The following C10orf53 variants were observed in gnomAD, a reference collection of about 807,000 sequenced individuals.
The protein encoded by C10orf53 is chromosome 10 open reading frame 53, also known as UPF0728 protein C10orf53.
C10orf53 carries 8 observed loss-of-function variants against 9.4 expected under a neutral mutation model. That is an observed-to-expected ratio of 0.85 (90% CI 0.50 to 1.53). The LOEUF (loss-of-function observed/expected upper bound fraction) is 1.53. C10orf53 is among the 40% of genes most tolerant of loss of function. C10orf53 has a pLI of 0.00. For missense variants in C10orf53, 117 were observed against 117.8 expected (o/e 0.99, Z 0.03); for synonymous variants, 48 against 46.0 (o/e 1.04, Z -0.18).
chr10:49,708,461 A>G (rs1162499241), exon 3 of C10orf53: 3 of 1,614,008 alleles, frequency 1.9e-6, no homozygotes, highest in African/African-American at 2.7e-5. Flanking sequence ...CTCCTTTGCA[A>G]CAGTTCCCAC....
chr10:49,683,666 G>T (rs1840500424), intron 1 of C10orf53, among the ~76,000 whole-genome samples: 1 of 152,156 alleles, frequency 6.6e-6, no homozygotes, highest in African/African-American at 2.4e-5. Flanking sequence ...CTTGAACCCA[G>T]GAGTTCAAGA....
rs189886782 is a variant in C10orf53 at position 49,686,598 on chromosome 10, C to A, written c.97+6804C>A. The stretch of plus-strand genomic sequence containing the variant: ...GAGAACCTGGGAAAGGAATGCATTC[C>A]AGGGGGTAGGTCTATAGATGGCTGC... On this transcript the variant is annotated intron_variant, in intron 1 of 2. Coordinates refer to ENST00000374111, the MANE Select transcript of C10orf53 (RefSeq NM_001042427.3). Among the ~76,000 whole-genome samples the A allele has an allele frequency of 2.1e-3, 318 of 152,088 alleles. 3 individuals are homozygous for A. Among genetic ancestry groups the A allele is most frequent in the African/African-American group, 6.5e-3 (271 of 41,460 alleles).
Position 49,697,373 on chromosome 10 carries a change from T to G in C10orf53, c.*2771T>G, listed in dbSNP as rs1665482034. ...CCCAGAAGCAAGAGACACAGCTTGC[T>G]CCCCATCAAAGGCAAAAGTGCCCTG... On this transcript the variant is annotated 3_prime_UTR_variant, in exon 3 of 3. Coordinates refer to ENST00000374111, the MANE Select transcript of C10orf53 (RefSeq NM_001042427.3). 2.0e-5 allele frequency among the ~76,000 whole-genome samples: 3 copies of G among 152,136 alleles called. No individual in the cohort carries two copies. In the South Asian group the frequency reaches 6.2e-4, roughly 32 times the overall value.
At chr10:49,694,205 T>A in intron 2 of C10orf53, 1 of 581,828 alleles carries the variant, frequency 1.7e-6, no homozygotes, top group Non-Finnish European at 3.0e-6. Context: ...ATAATATGTA[T>A]TCTGTTATTA....
chr10:49,679,901 C>A, intron 1 of C10orf53, 107 bp downstream of exon 1: 1 of 1,019,550 alleles, frequency 9.8e-7, no homozygotes, highest in Non-Finnish European at 1.3e-6. Flanking sequence ...AGCGCCACCT[C>A]TCCAGGAAGT....
chr10:49,682,543 GA>G (rs2132873960), intron 1 of C10orf53, among the ~76,000 whole-genome samples: 2 of 1,226 alleles, frequency 1.6e-3, no homozygotes, highest in Admixed American at 0.042. Flanking sequence ...AGGGGGACAG[GA>G]GCCAGTTGCT....
chr10:49,699,402 C>T (rs942628404), downstream of C10orf53, among the ~76,000 whole-genome samples: 1 of 151,322 alleles, frequency 6.6e-6, no homozygotes, highest in Non-Finnish European at 1.5e-5. Flanking sequence ...CCTATGTTAC[C>T]CAGGCTGGTC....
At chr10:49,698,665 G>C (rs147887097), downstream of C10orf53, among the ~76,000 whole-genome samples, 3 of 152,342 alleles carry the variant, frequency 2.0e-5, no homozygotes, top group Non-Finnish European at 4.4e-5. Context: ...CATAAGGCGT[G>C]TGGAACTATT....
At chr10:49,693,228 G>A (rs1840601446) in intron 1 of C10orf53, among the ~76,000 whole-genome samples, 2 of 152,066 alleles carry the variant, frequency 1.3e-5, no homozygotes, top group African/African-American at 2.4e-5. Flanking sequence ...AGTTATTCAC[G>A]GTATTTTGCT....
intron 1 of C10orf53, among the ~76,000 whole-genome samples, chr10:49,686,645 C>T (rs987838116): frequency 1.3e-5 from 2 of 152,116 alleles, no homozygotes; most frequent in Non-Finnish European, 1.5e-5. Flanking sequence ...CTGTCTTATG[C>T]GGTTGAGATA....
intron 2 of C10orf53, among the ~76,000 whole-genome samples, chr10:49,703,444 T>C (rs910249950): frequency 2.6e-5 from 4 of 152,146 alleles, no homozygotes; most frequent in Non-Finnish European, 5.9e-5. Context: ...CAAACCTAGC[T>C]ATGAAAAGGA....
chr10:49,694,803 C>G lies in C10orf53; in HGVS notation c.*201C>G. 5 of 1,393,236 alleles carry G rather than the reference C, an allele frequency of 3.6e-6. No individual in the cohort carries two copies. Among genetic ancestry groups the G allele is most frequent in the Non-Finnish European group, 4.6e-6 (5 of 1,076,612 alleles). 86.3% of individuals were successfully genotyped at this position (1,393,236 alleles called of 1,614,324 possible). On this transcript the variant is annotated 3_prime_UTR_variant, in exon 3 of 3. Coordinates refer to ENST00000374111, the MANE Select transcript of C10orf53 (RefSeq NM_001042427.3). ...AGGAGCCCACAGAAATAATAAAAAC[C>G]ACATCATTTATAACATGTCTCAATC...
downstream of C10orf53, among the ~76,000 whole-genome samples, chr10:49,699,188 A>ATTTTTTTTTT (rs1210027084): frequency 1.5e-4 from 7 of 47,784 alleles, no homozygotes; most frequent in South Asian, 9.9e-4. Context: ...TGGTGGCTCA[A>ATTTTTTTTTT]TCTTTTTTTT....
rs1016282128 is a variant in C10orf53, at chr10:49,696,580, T to A, written c.*1978T>A. On this transcript the variant is annotated 3_prime_UTR_variant, in exon 3 of 3. Coordinates refer to ENST00000374111, the MANE Select transcript of C10orf53 (RefSeq NM_001042427.3). ...AGAAGACCTGCCCTCCTTGGCTTCA[T>A]GACCAGAGCTGAAGGGCAGGTAAGG... Among the ~76,000 whole-genome samples the A allele has an allele frequency of 1.3e-5, 2 of 152,196 alleles. No homozygotes were observed. Among genetic ancestry groups the A allele is most frequent in the Non-Finnish European group, 2.9e-5 (2 of 68,038 alleles).
chr10:49,701,483 A>G (rs1040752350), downstream of C10orf53, among the ~76,000 whole-genome samples: 20 of 152,122 alleles, frequency 1.3e-4, 1 homozygote, highest in Admixed American at 9.8e-4. Flanking sequence ...TCCCCAAGTC[A>G]TTGTCATTTT....
chr10:49,703,504 T>A (rs1215990473), intron 2 of C10orf53, among the ~76,000 whole-genome samples: 1 of 152,214 alleles, frequency 6.6e-6, no homozygotes, highest in African/African-American at 2.4e-5. Flanking sequence ...CTAAAATATC[T>A]TATTAGTAAA....
downstream of C10orf53, among the ~76,000 whole-genome samples, chr10:49,699,339 G>A (rs1449083605): frequency 1.3e-5 from 2 of 151,130 alleles, no homozygotes; most frequent in African/African-American, 4.9e-5. Context: ...GACTACAGGT[G>A]CATGCCACCA....
Position 49,694,877 on chromosome 10 carries a change from G to A in C10orf53, c.*275G>A. ...AATATCAGGTACACATTGAGCTGAA[G>A]GAAACAATAAAATGCAATCAAATAA... On this transcript the variant is annotated 3_prime_UTR_variant, in exon 3 of 3. Coordinates refer to ENST00000374111, the MANE Select transcript of C10orf53 (RefSeq NM_001042427.3). 1 of 1,226,824 alleles carries A rather than the reference G, an allele frequency of 8.2e-7. No individual in the cohort carries two copies. Among genetic ancestry groups the A allele is most frequent in the Non-Finnish European group, 1.0e-6 (1 of 981,316 alleles). The allele number at this position is 1,226,824 out of a possible 1,614,324, so 76.0% of individuals were successfully genotyped here. A position where few individuals can be genotyped will look rare whatever the true frequency, so the allele number is the denominator to read the frequency against.
intron 2 of C10orf53, 29 bp from the exon 3 acceptor site, chr10:49,694,509 C>T (rs1361208359): frequency 5.6e-6 from 9 of 1,613,676 alleles, no homozygotes; most frequent in Non-Finnish European, 6.8e-6. Flanking sequence ...ATAAAGCTAA[C>T]CAAAAGACAA....
Sources: gnomAD v4.1 joint callset for allele counts (sites outside exome capture counted in the v4.1 genomes callset) on GRCh38, gnomAD v4.1.1 for gene constraint, MANE v1.5 for transcripts, NCBI Gene and HGNC (gene_info 2026-07-23, HGNC 2026-07-21) for gene names.